The following KPNA4 variants were observed in gnomAD, a reference collection of about 807,000 sequenced individuals.
KPNA4 encodes the protein karyopherin subunit alpha 4, also known as importin subunit alpha-3.
Under a neutral mutation model 71.3 loss-of-function variants are expected in KPNA4, and 13 were observed. The observed-to-expected ratio is 0.18, with a 90% CI of 0.12 to 0.29. The LOEUF (loss-of-function observed/expected upper bound fraction) is 0.29. Among genes scored for constraint, KPNA4 ranks in the 10% least tolerant of loss-of-function variants. KPNA4 has a pLI of 1.00. For synonymous variants in KPNA4, 189 were observed against 195.2 expected, an observed-to-expected ratio of 0.97 and a Z score of 0.26; for missense variants, 334 against 603.2, an observed-to-expected ratio of 0.55 and a Z score of 4.67.
chr3:160,508,433 T>A (rs1040197185), intron 14 of KPNA4, among the ~76,000 whole-genome samples, 164 bp from the exon 15 acceptor site: 1 of 152,208 alleles, frequency 6.6e-6, no homozygotes. Context: ...CCTTTTCTTT[T>A]AAATTTAGTT....
chr3:160,533,943 C>T (rs1010747797), intron 5 of KPNA4, among the ~76,000 whole-genome samples: 1 of 152,158 alleles, frequency 6.6e-6, no homozygotes, highest in African/African-American at 2.4e-5. Context: ...TGAGCATAAT[C>T]GATTTCTTAA....
intron 7 of KPNA4, 78 bp downstream of exon 7, chr3:160,530,777 G>A: frequency 1.1e-6 from 1 of 931,996 alleles, no homozygotes; most frequent in Non-Finnish European, 1.7e-6. Context: ...AATTGCCATA[G>A]TCTTTTGGGA....
rs113978211 is a variant in KPNA4, at chr3:160,502,022, G to GTA, written c.*80_*81dup. 7,505 of 329,032 alleles carry GTA rather than the reference G, an allele frequency of 0.023. 68 individuals carry two copies. Among genetic ancestry groups the GTA allele is most frequent in the African/African-American group, 0.044 (1,880 of 42,778 alleles). The allele number at this position is 329,032 out of a possible 1,614,324, so 20.4% of individuals were successfully genotyped here. ...ATGGATCAAACCTTTTTATATATAT[G>GTA]TATATATATATATATATACACACAC... On this transcript the variant is annotated 3_prime_UTR_variant, in exon 17 of 17. Coordinates refer to ENST00000334256, the MANE Select transcript of KPNA4 (RefSeq NM_002268.5).
chr3:160,522,132 G>C (rs112012034), intron 10 of KPNA4, among the ~76,000 whole-genome samples: 63 of 152,238 alleles, frequency 4.1e-4, no homozygotes, highest in African/African-American at 1.3e-3. Context: ...TCTGATCCCA[G>C]ATTAGTATCC....
intron 5 of KPNA4, among the ~76,000 whole-genome samples, chr3:160,534,375 A>T (rs2108553236): frequency 6.6e-6 from 1 of 152,238 alleles, no homozygotes; most frequent in East Asian, 1.9e-4. Context: ...TCAGTAATAG[A>T]TTTTTCTGCC....
At chr3:160,549,553 G>A (rs952114450) in intron 1 of KPNA4, among the ~76,000 whole-genome samples, 5 of 151,902 alleles carry the variant, frequency 3.3e-5, no homozygotes, top group Admixed American at 6.5e-5. Flanking sequence ...GTGTAGTCTT[G>A]GTATCTCTGT....
At chr3:160,550,401 G>GA (rs1211767747) in intron 1 of KPNA4, among the ~76,000 whole-genome samples, 1 of 152,166 alleles carries the variant, frequency 6.6e-6, no homozygotes, top group African/African-American at 2.4e-5. Context: ...GGGACTCCAT[G>GA]TGCATGCCTG....
chr3:160,550,327 C>T (rs1722014691), intron 1 of KPNA4, among the ~76,000 whole-genome samples: 1 of 152,188 alleles, frequency 6.6e-6, no homozygotes, highest in African/African-American at 2.4e-5. Context: ...AGTGCAGTGG[C>T]AGTCACTTCA....
chr3:160,535,721 T>TAA, intron 3 of KPNA4, 31 bp from the exon 4 acceptor site: 1 of 1,572,882 alleles, frequency 6.4e-7, no homozygotes, highest in Non-Finnish European at 8.6e-7. Context: ...AAAACTCAGT[T>TAA]AAAAAGTCAC....
At chr3:160,528,063 A>G (rs184696531) in intron 7 of KPNA4, 24 bp from the exon 8 acceptor site, 2 of 1,578,566 alleles carry the variant, frequency 1.3e-6, no homozygotes, top group Non-Finnish European at 1.7e-6. Context: ...AAATAACAAT[A>G]CTTAAGGTTG....
At chr3:160,543,100 T>C (rs1457383959) in intron 1 of KPNA4, among the ~76,000 whole-genome samples, 1 of 151,950 alleles carries the variant, frequency 6.6e-6, no homozygotes. Flanking sequence ...TTCCCAGAGT[T>C]CTCTATATTC....
chr3:160,519,207 G>A (rs931950979), intron 11 of KPNA4, among the ~76,000 whole-genome samples: 3 of 152,196 alleles, frequency 2.0e-5, no homozygotes, highest in African/African-American at 7.2e-5. Context: ...CCATGAACAT[G>A]AATGTCTTTC....
At chr3:160,507,003 CT>C (rs1720996421) in intron 15 of KPNA4, among the ~76,000 whole-genome samples, 1 of 152,094 alleles carries the variant, frequency 6.6e-6, no homozygotes, top group South Asian at 2.1e-4. Context: ...TCAGAAATAC[CT>C]TTATATTTAT....
At chr3:160,523,726 C>A (rs554847203) in intron 10 of KPNA4, among the ~76,000 whole-genome samples, 1 of 152,212 alleles carries the variant, frequency 6.6e-6, no homozygotes, top group East Asian at 1.9e-4. Flanking sequence ...TGGCGGGCAT[C>A]TGTAAACCCA....
In KPNA4 at chr3:160,495,566, A is replaced by T. The variant is rs1216354106; in HGVS notation, c.*6538T>A. 6.6e-6 allele frequency: 1 copy of T among 152,096 alleles called. No individual in the cohort carries two copies. The highest frequency in any genetic ancestry group is 6.6e-5 in the Admixed American group (1 of 15,250). 9.4% of individuals were successfully genotyped at this position (152,096 alleles called of 1,614,324 possible). On this transcript the variant is annotated 3_prime_UTR_variant, in exon 17 of 17. Transcript: ENST00000334256. ...GCTTGTCTATATGAGTTCTATAAAC[A>T]TATGTAATTTTACCTTAACTAAAAG...
chr3:160,561,822 T>C (rs1722251017), intron 1 of KPNA4, among the ~76,000 whole-genome samples: 2 of 152,060 alleles, frequency 1.3e-5, no homozygotes, highest in Admixed American at 1.3e-4. Flanking sequence ...TCAATTATAC[T>C]GAATCTTGTT....
chr3:160,517,378 T>G (rs187776866), intron 11 of KPNA4, among the ~76,000 whole-genome samples: 2 of 152,234 alleles, frequency 1.3e-5, no homozygotes, highest in African/African-American at 4.8e-5. Flanking sequence ...GACATTCAAA[T>G]TGTTTTCATT....
In KPNA4 at chr3:160,501,086, A is replaced by G. The variant is rs1330074075; in HGVS notation, c.*1018T>C. The G allele has an allele frequency of 6.6e-6, 1 of 152,528 alleles. No homozygotes were observed. The highest frequency in any genetic ancestry group is 1.5e-5 in the Non-Finnish European group (1 of 68,026). 9.4% of individuals were successfully genotyped at this position (152,528 alleles called of 1,614,324 possible). ...CTATTATGGCAACTTGTGTACTGCA[A>G]CACAGTCTATTTTGAGGGAAATTTA... On this transcript the variant is annotated 3_prime_UTR_variant, in exon 17 of 17. Transcript: ENST00000334256.
chr3:160,565,418 T>A lies in KPNA4; in HGVS notation c.-136A>T. On this transcript the variant is annotated 5_prime_UTR_variant, in exon 1 of 17. Coordinates refer to ENST00000334256, the MANE Select transcript of KPNA4 (RefSeq NM_002268.5). ...CCGCGCCGCCGCTTCCTTCCTCCTCTCACCTGCCTCCGCCGCGGCCTTCTC... is the reference window on the plus strand; with the variant it reads ...CCGCGCCGCCGCTTCCTTCCTCCTCACACCTGCCTCCGCCGCGGCCTTCTC... The A allele has an allele frequency of 1.5e-6, 1 of 675,716 alleles. No homozygotes were observed. The highest frequency in any genetic ancestry group is 2.5e-6 in the Non-Finnish European group (1 of 397,516). The allele number at this position is 675,716 out of a possible 1,614,324, so 41.9% of individuals were successfully genotyped here. A position where few individuals can be genotyped will look rare whatever the true frequency, so the allele number is the denominator to read the frequency against.
Sources: gnomAD v4.1 joint callset for allele counts (sites outside exome capture counted in the v4.1 genomes callset) on GRCh38, gnomAD v4.1.1 for gene constraint, MANE v1.5 for transcripts, NCBI Gene and HGNC (gene_info 2026-07-23, HGNC 2026-07-21) for gene names.